ASTN2: variants seen among roughly 807,000 people sequenced by gnomAD.
The protein encoded by ASTN2 is astrotactin 2.
In ASTN2, 54 loss-of-function variants were observed where a neutral mutation model predicts 139.8. The observed-to-expected ratio is 0.39, with a 90% confidence interval of 0.31 to 0.48. ASTN2 has a LOEUF of 0.48. Ranked by LOEUF, ASTN2 falls within the 20% of genes least tolerant of loss-of-function variation. The pLI is 0.95. For missense variants in ASTN2, 1,565 were observed against 1,725.1 expected, an observed-to-expected ratio of 0.91 and a Z score of 1.64; for synonymous variants, 756 against 719.5, an observed-to-expected ratio of 1.05 and a Z score of -0.81.
intron 1 of ASTN2, among the ~76,000 whole-genome samples, chr9:117,352,405 A>G (rs1030031442): frequency 2.6e-5 from 4 of 152,208 alleles, no homozygotes; most frequent in Non-Finnish European, 5.9e-5. Flanking sequence ...CCTCCTACAC[A>G]TTAAACACAC....
At chr9:117,116,787 AGT>A (rs141528448) in intron 4 of ASTN2, among the ~76,000 whole-genome samples, 6 of 112,422 alleles carry the variant, frequency 5.3e-5, no homozygotes, top group East Asian at 3.0e-4. Flanking sequence ...TCTCTGTGTG[AGT>A]GTGTGTGTGT....
chr9:117,364,127 T>A (rs1478049266), intron 1 of ASTN2, among the ~76,000 whole-genome samples: 1 of 152,206 alleles, frequency 6.6e-6, no homozygotes, highest in Non-Finnish European at 1.5e-5. Flanking sequence ...ATGACCCACA[T>A]ATATTCCCTC....
At chr9:117,010,350 GCA>G (rs933307891) in intron 6 of ASTN2, among the ~76,000 whole-genome samples, 5 of 152,110 alleles carry the variant, frequency 3.3e-5, no homozygotes, top group African/African-American at 1.2e-4. Context: ...CTTTAAAAAA[GCA>G]CAGTCATGCT....
chr9:116,544,279 G>A (rs1851999986), intron 19 of ASTN2, among the ~76,000 whole-genome samples: 2 of 152,258 alleles, frequency 1.3e-5, no homozygotes, highest in Middle Eastern at 3.4e-3. Flanking sequence ...ATTTGGGGGA[G>A]GAGATAGGAG....
At chr9:117,203,648 C>T (rs1480445670) in intron 3 of ASTN2, among the ~76,000 whole-genome samples, 1 of 152,106 alleles carries the variant, frequency 6.6e-6, no homozygotes, top group Admixed American at 6.5e-5. Flanking sequence ...GAGTTCACTT[C>T]AGGCCCCATT....
At chr9:117,174,741 C>G (rs1830876186) in intron 3 of ASTN2, among the ~76,000 whole-genome samples, 1 of 151,946 alleles carries the variant, frequency 6.6e-6, no homozygotes, top group Non-Finnish European at 1.5e-5. Context: ...ATTGTAATAT[C>G]CAATCACGGC....
intron 16 of ASTN2, among the ~76,000 whole-genome samples, chr9:116,673,174 C>T (rs536475913): frequency 1.1e-4 from 16 of 152,330 alleles, no homozygotes; most frequent in African/African-American, 3.8e-4. Flanking sequence ...ATTCTGGCCC[C>T]TATGCTTGGG....
intron 16 of ASTN2, among the ~76,000 whole-genome samples, chr9:116,653,628 C>A (rs540742203): frequency 1.3e-5 from 2 of 152,286 alleles, no homozygotes; most frequent in African/African-American, 4.8e-5. Flanking sequence ...CAAGCTCCTG[C>A]CTCAGTGGAA....
intron 10 of ASTN2, among the ~76,000 whole-genome samples, chr9:116,937,719 TA>T (rs756374885): frequency 6.6e-6 from 1 of 152,090 alleles, no homozygotes; most frequent in Admixed American, 6.5e-5. Context: ...GAATTGAAAT[TA>T]AAAAAAATCA....
chr9:116,769,467 A>T (rs1829899825), intron 13 of ASTN2, among the ~76,000 whole-genome samples: 1 of 152,188 alleles, frequency 6.6e-6, no homozygotes, highest in Non-Finnish European at 1.5e-5. Context: ...GGTGGTAGCT[A>T]AAGGCAAATG....
chr9:116,608,619 A>G lies in ASTN2; in HGVS notation c.3355+9705T>C, dbSNP rs1297209984. The stretch of plus-strand genomic sequence containing the variant: ...TATTTTGAACAAAAGAGTTTGAACA[A>G]AAGAGTTTGAACAAAATATTTTGAA... On this transcript the variant is annotated intron_variant, in intron 19 of 22. Transcript: ENST00000313400. Among the ~76,000 whole-genome samples, 7 of 152,342 alleles carry G rather than the reference A, an allele frequency of 4.6e-5. No individual in the cohort carries two copies. In the East Asian group the frequency reaches 1.2e-3, roughly 25 times the overall value.
chr9:116,778,941 A>G (rs982082368), intron 13 of ASTN2, among the ~76,000 whole-genome samples: 4 of 152,220 alleles, frequency 2.6e-5, no homozygotes, highest in African/African-American at 9.6e-5. Context: ...TCAAAGAGGA[A>G]CTATCGCATA....
At chr9:117,064,531 C>T (rs1370301278) in intron 5 of ASTN2, among the ~76,000 whole-genome samples, 1 of 152,108 alleles carries the variant, frequency 6.6e-6, no homozygotes, top group Non-Finnish European at 1.5e-5. Context: ...GGCCATTATC[C>T]TAAATGAAAT....
At chr9:116,986,340 C>T (rs1836682198) in intron 7 of ASTN2, among the ~76,000 whole-genome samples, 1 of 152,160 alleles carries the variant, frequency 6.6e-6, no homozygotes, top group Non-Finnish European at 1.5e-5. Context: ...TGGATAATTC[C>T]TCTATACCTG....
At chr9:117,142,067 G>T (rs551054303) in intron 3 of ASTN2, among the ~76,000 whole-genome samples, 1 of 152,188 alleles carries the variant, frequency 6.6e-6, no homozygotes, top group Non-Finnish European at 1.5e-5. Context: ...ACGAGAAGGA[G>T]CACGGATGCT....
intron 2 of ASTN2, among the ~76,000 whole-genome samples, chr9:117,227,263 C>T (rs949912135): frequency 2.6e-5 from 4 of 152,206 alleles, no homozygotes; most frequent in African/African-American, 9.6e-5. Context: ...CCTTTCCTTG[C>T]TTTAACTTTA....
intron 13 of ASTN2, among the ~76,000 whole-genome samples, chr9:116,785,778 C>G (rs1564266212): frequency 6.6e-6 from 1 of 152,156 alleles, no homozygotes; most frequent in Non-Finnish European, 1.5e-5. Context: ...TGAACATGCT[C>G]CAATCCACAG....
At chr9:117,285,490 C>T (rs952332882) in intron 2 of ASTN2, among the ~76,000 whole-genome samples, 1 of 151,942 alleles carries the variant, frequency 6.6e-6, no homozygotes, top group African/African-American at 2.4e-5. Context: ...AATATCACAC[C>T]GATCCTCTAA....
chr9:117,392,295 A>G (rs534992128), intron 1 of ASTN2, among the ~76,000 whole-genome samples: 2 of 152,246 alleles, frequency 1.3e-5, no homozygotes, highest in Non-Finnish European at 2.9e-5. Flanking sequence ...ATAAGCTTTG[A>G]TCATAGGTTA....
Sources: gnomAD v4.1 joint callset for allele counts (sites outside exome capture counted in the v4.1 genomes callset) on GRCh38, gnomAD v4.1.1 for gene constraint, MANE v1.5 for transcripts, NCBI Gene and HGNC (gene_info 2026-07-23, HGNC 2026-07-21) for gene names.